B3GALT1: variants seen among roughly 807,000 people sequenced by gnomAD.
B3GALT1 encodes beta-1,3-galactosyltransferase 1.
B3GALT1 carries 10 observed loss-of-function variants against 23.2 expected under a neutral mutation model. That is an observed-to-expected ratio of 0.43 (90% CI 0.27 to 0.73). The LOEUF (loss-of-function observed/expected upper bound fraction) is 0.73, where lower values mean the gene tolerates loss of function less well. Among genes scored for constraint, B3GALT1 ranks in the 30% least tolerant of loss-of-function variants. B3GALT1 has a pLI of 0.21. For missense variants in B3GALT1, 299 were observed against 405.4 expected (o/e 0.74, Z 2.25); for synonymous variants, 156 against 141.5 (o/e 1.10, Z -0.73).
At chr2:167,670,697 G>A (rs146699167) in intron 3 of B3GALT1, among the ~76,000 whole-genome samples, 2 of 152,202 alleles carry the variant, frequency 1.3e-5, no homozygotes, top group East Asian at 3.9e-4. Flanking sequence ...TGTCTAACAA[G>A]ATAGAAATCA....
intron 3 of B3GALT1, chr2:167,713,859 A>G (rs1687101249): frequency 3.1e-6 from 5 of 1,591,030 alleles, no homozygotes; most frequent in African/African-American, 1.3e-5. Context: ...AAATCCCTTG[A>G]TAGAAAATAA....
intron 2 of B3GALT1, among the ~76,000 whole-genome samples, chr2:167,561,173 T>A (rs950855078): frequency 1.3e-5 from 2 of 152,132 alleles, no homozygotes; most frequent in African/African-American, 4.8e-5. Flanking sequence ...CTCAACTACA[T>A]GGAAACTGAA....
At chr2:167,496,281 G>C (rs779945919) in intron 2 of B3GALT1, among the ~76,000 whole-genome samples, 9 of 152,180 alleles carry the variant, frequency 5.9e-5, no homozygotes, top group Non-Finnish European at 1.3e-4. Context: ...GTCATACTGA[G>C]CAGGGCCTTA....
chr2:167,443,812 A>G (rs1260862207), intron 1 of B3GALT1, among the ~76,000 whole-genome samples: 2 of 152,178 alleles, frequency 1.3e-5, no homozygotes, highest in East Asian at 3.8e-4. Context: ...GTCATCTGTA[A>G]ACAGGGACAA....
intron 3 of B3GALT1, among the ~76,000 whole-genome samples, chr2:167,696,296 CAAAAAAAAA>C (rs35575073): frequency 2.2e-5 from 2 of 91,838 alleles, no homozygotes; most frequent in Non-Finnish European, 4.0e-5. Context: ...TGGTAAGAGG[CAAAAAAAAA>C]AAAAAAAAAA....
intron 1 of B3GALT1, among the ~76,000 whole-genome samples, chr2:167,337,610 G>A (rs1047225134): frequency 6.6e-6 from 1 of 151,874 alleles, no homozygotes; most frequent in Non-Finnish European, 1.5e-5. Context: ...AACAAAGAAT[G>A]CACCTTTAGT....
intron 4 of B3GALT1, among the ~76,000 whole-genome samples, chr2:167,846,825 G>T (rs1689770444): frequency 6.6e-6 from 1 of 152,140 alleles, no homozygotes; most frequent in Non-Finnish European, 1.5e-5. Flanking sequence ...CCACAGAATG[G>T]ATAAGAACTC....
chr2:167,610,239 G>A (rs1022773228), intron 2 of B3GALT1, among the ~76,000 whole-genome samples: 3 of 152,062 alleles, frequency 2.0e-5, no homozygotes, highest in Non-Finnish European at 4.4e-5. Context: ...CGTAAATGTT[G>A]ACATATTAAT....
chr2:167,487,396 T>C (rs1285284623), intron 1 of B3GALT1, among the ~76,000 whole-genome samples: 3 of 152,232 alleles, frequency 2.0e-5, no homozygotes, highest in Non-Finnish European at 4.4e-5. Flanking sequence ...CCCACTGTTA[T>C]TGGCATGTTT....
intron 1 of B3GALT1, among the ~76,000 whole-genome samples, chr2:167,396,663 A>G (rs1316215239): frequency 6.6e-6 from 1 of 151,786 alleles, no homozygotes; most frequent in African/African-American, 2.4e-5. Flanking sequence ...GCCTTTACCC[A>G]TTGATACTGT....
At chr2:167,436,329 T>C (rs1275754811) in intron 1 of B3GALT1, among the ~76,000 whole-genome samples, 1 of 152,048 alleles carries the variant, frequency 6.6e-6, no homozygotes, top group Non-Finnish European at 1.5e-5. Flanking sequence ...CCTCAGGTCT[T>C]TTGCCTGCAC....
intron 2 of B3GALT1, among the ~76,000 whole-genome samples, chr2:167,589,069 A>G (rs1684629007): frequency 6.6e-6 from 1 of 151,948 alleles, no homozygotes; most frequent in Non-Finnish European, 1.5e-5. Flanking sequence ...AGCTTCCCAA[A>G]TAGCTGGGAC....
At chr2:167,443,894 C>G (rs1004744091) in intron 1 of B3GALT1, among the ~76,000 whole-genome samples, 9 of 152,160 alleles carry the variant, frequency 5.9e-5, no homozygotes, top group African/African-American at 1.7e-4. Flanking sequence ...GCCAGAATTT[C>G]CAACACTATG....
intron 2 of B3GALT1, among the ~76,000 whole-genome samples, chr2:167,572,675 T>C (rs909076900): frequency 6.6e-6 from 1 of 151,770 alleles, no homozygotes; most frequent in African/African-American, 2.4e-5. Flanking sequence ...GAGTGTTTCA[T>C]TTGTCTGGAA....
chr2:167,708,974 A>G (rs1558955557), intron 3 of B3GALT1, among the ~76,000 whole-genome samples: 2 of 152,258 alleles, frequency 1.3e-5, no homozygotes, highest in African/African-American at 4.8e-5. Flanking sequence ...GGACCATAAA[A>G]TATTTATGTA....
chr2:167,579,432 C>CTTTTTTTTTTTTTTTTTTTTTTTTTTT (rs71395297), intron 2 of B3GALT1, among the ~76,000 whole-genome samples: 2 of 109,032 alleles, frequency 1.8e-5, no homozygotes, highest in Admixed American at 1.0e-4. Context: ...TTTTTTTTGT[C>CTTTTTTTTTTTTTTTTTTTTTTTTTTT]TTTTTTTTTT....
chr2:167,863,990 ATGTGTGTGTGTGTGTG>A (rs34276280), intron 4 of B3GALT1, among the ~76,000 whole-genome samples: 10 of 143,620 alleles, frequency 7.0e-5, no homozygotes, highest in South Asian at 2.2e-4. Context: ...GCATGTATGT[ATGTGTGTGTGTGTGTG>A]TGTGTGTGTG....
intron 1 of B3GALT1, among the ~76,000 whole-genome samples, chr2:167,479,268 A>T (rs1699529873): frequency 6.6e-6 from 1 of 152,168 alleles, no homozygotes; most frequent in Non-Finnish European, 1.5e-5. Context: ...CAAAATGTTC[A>T]GTAATATTAG....
intron 1 of B3GALT1, among the ~76,000 whole-genome samples, chr2:167,470,850 A>G (rs1389469622): frequency 6.6e-6 from 1 of 152,240 alleles, no homozygotes; most frequent in Admixed American, 6.5e-5. Flanking sequence ...AAAATAAAAT[A>G]TACACCTACT....
Sources: allele counts gnomAD v4.1 joint callset (sites outside exome capture counted in the v4.1 genomes callset), GRCh38; gene constraint gnomAD v4.1.1; transcripts MANE v1.5; gene names NCBI Gene and HGNC (gene_info 2026-07-23, HGNC 2026-07-21).